The following SCN11A variants were observed in gnomAD, a reference collection of about 807,000 sequenced individuals.
The protein encoded by SCN11A is sodium channel protein type 11 subunit alpha.
SCN11A carries 122 observed loss-of-function variants against 162.2 expected under a neutral mutation model. The observed-to-expected ratio is 0.75, with a 90% CI of 0.65 to 0.87. The LOEUF (loss-of-function observed/expected upper bound fraction) is 0.87, where lower values mean the gene tolerates loss of function less well. Among genes scored for constraint, SCN11A ranks in the 40% least tolerant of loss-of-function variants. The pLI, the probability that SCN11A is intolerant of heterozygous loss-of-function variation, is 0.00. For missense variants in SCN11A, 2,015 were observed against 2,181.6 expected (o/e 0.92, Z 1.52); for synonymous variants, 758 against 751.5 (o/e 1.01, Z -0.14).
intron 3 of SCN11A, among the ~76,000 whole-genome samples, chr3:38,960,048 T>A (rs1022205515): frequency 6.6e-6 from 1 of 152,094 alleles, no homozygotes; most frequent in South Asian, 2.1e-4. Flanking sequence ...GCTGGCCATC[T>A]CCTGTCCCTG....
intron 27 of SCN11A, among the ~76,000 whole-genome samples, chr3:38,864,717 T>C (rs2065015462): frequency 6.6e-6 from 1 of 152,134 alleles, no homozygotes; most frequent in Non-Finnish European, 1.5e-5. Context: ...ACAAACAGTT[T>C]TTAGAGAAAT....
At position 38,885,379 on chromosome 3, in the gene SCN11A, T is replaced by A. The variant is rs747967286; in HGVS notation, c.2973A>T (p.Leu991=). The change falls in exon 21 of 30, where the codon CTA becomes CTT. Residue 991 remains leucine (L), a synonymous_variant. Transcript: ENST00000302328. Reference sequence around the variant, plus strand: ...GAAGATCAATGGTGCTACATTCTGATAGTATACTGGTAACATCAGACTTCT... The same window carrying A: ...GAAGATCAATGGTGCTACATTCTGAAAGTATACTGGTAACATCAGACTTCT... ...PRKKSDVTSI[L]SECSTIDLQD... The A allele has an allele frequency of 1.9e-6, 3 of 1,609,738 alleles. No individual in the cohort carries two copies. Among genetic ancestry groups the A allele is most frequent in the Non-Finnish European group, 2.6e-6 (3 of 1,176,094 alleles).
At chr3:38,999,793 C>T (rs917181178) in intron 2 of SCN11A, among the ~76,000 whole-genome samples, 23 of 152,158 alleles carry the variant, frequency 1.5e-4, no homozygotes, top group Non-Finnish European at 2.2e-4. Context: ...GTGAACATTT[C>T]GTGTTGGGAT....
Position 38,847,625 on chromosome 3 carries a change from C to T in SCN11A, c.4445G>A (p.Gly1482Glu). Residue 1482 changes from glycine (G) to glutamate (E), a missense_variant, in exon 30 of 30, where the codon GGA becomes GAA. Transcript: ENST00000302328. ...CAGAGCAAAGAGGAGAGTCCTGATT[C>T]CTCGTGCAGCCCGGACAAGCCTCAG... is the stretch of plus-strand genomic sequence containing the variant. ...RILRLVRAAR[G>E]IRTLLFALMM... 1 of 1,614,136 alleles carries T rather than the reference C, an allele frequency of 6.2e-7. No individual in the cohort carries two copies.
intron 8 of SCN11A, 51 bp from the exon 9 acceptor site, chr3:38,925,560 C>T (rs369183347): frequency 3.2e-5 from 40 of 1,247,612 alleles, no homozygotes; most frequent in Non-Finnish European, 4.6e-5. Context: ...CCTGCAGCTG[C>T]ACTGCACATC....
intron 23 of SCN11A, among the ~76,000 whole-genome samples, chr3:38,877,087 A>G (rs1294385857): frequency 4.0e-4 from 17 of 42,162 alleles, no homozygotes; most frequent in African/African-American, 1.2e-3. Flanking sequence ...TATATACTAT[A>G]TATATGGTAT....
intron 9 of SCN11A, 145 bp downstream of exon 9, chr3:38,925,270 A>C (rs1452286386): frequency 3.1e-6 from 2 of 635,826 alleles, no homozygotes; most frequent in African/African-American, 3.7e-5. Context: ...TTAGGTGCTC[A>C]ATAATTATCA....
At chr3:38,849,005 C>A (rs1046719914) in intron 29 of SCN11A, among the ~76,000 whole-genome samples, 1 of 152,134 alleles carries the variant, frequency 6.6e-6, no homozygotes, top group Non-Finnish European at 1.5e-5. Context: ...TTAATCCTAC[C>A]GCTGAGTATT....
At chr3:38,907,347 TATCTATATATACACACACACAC>T (rs1460789804) in intron 14 of SCN11A, among the ~76,000 whole-genome samples, 53 of 50,160 alleles carry the variant, frequency 1.1e-3, no homozygotes, top group African/African-American at 2.3e-3. Context: ...TGTGTGTATA[TATCTATATATACACACACACAC>T]ACACACACAC....
At chr3:38,944,400 C>T (rs187330704) in intron 7 of SCN11A, among the ~76,000 whole-genome samples, 136 of 151,504 alleles carry the variant, frequency 9.0e-4, no homozygotes, top group African/African-American at 3.1e-3. Context: ...TCACTGGGCT[C>T]ACTGCAAGCT....
intron 18 of SCN11A, among the ~76,000 whole-genome samples, chr3:38,895,922 G>A (rs895005649): frequency 7.2e-5 from 11 of 152,118 alleles, no homozygotes; most frequent in South Asian, 2.1e-4. Flanking sequence ...TAAAGCTATC[G>A]TGTGTAGAGA....
intron 28 of SCN11A, among the ~76,000 whole-genome samples, chr3:38,858,470 C>G (rs1329714261): frequency 6.6e-6 from 1 of 152,108 alleles, no homozygotes; most frequent in Admixed American, 6.6e-5. Flanking sequence ...GAAAACATCA[C>G]AGTCCTAAAT....
At chr3:38,928,278 A>G (rs1298523883) in intron 7 of SCN11A, among the ~76,000 whole-genome samples, 1 of 152,228 alleles carries the variant, frequency 6.6e-6, no homozygotes, top group African/African-American at 2.4e-5. Context: ...TGACAACAGA[A>G]AACCAAACAC....
chr3:38,854,965 GAT>G (rs1160665400), intron 28 of SCN11A, among the ~76,000 whole-genome samples: 1 of 152,232 alleles, frequency 6.6e-6, no homozygotes, highest in Non-Finnish European at 1.5e-5. Flanking sequence ...TAGATTCTGT[GAT>G]AATTTCGACT....
At chr3:38,963,441 ATATG>A (rs1322566974) in intron 2 of SCN11A, among the ~76,000 whole-genome samples, 1 of 101,208 alleles carries the variant, frequency 9.9e-6, no homozygotes, top group African/African-American at 5.4e-5. Flanking sequence ...ATATATATAT[ATATG>A]ATGGAGATAT....
intron 17 of SCN11A, among the ~76,000 whole-genome samples, chr3:38,897,559 C>CAAA (rs759728865): frequency 1.3e-5 from 2 of 151,664 alleles, no homozygotes; most frequent in Non-Finnish European, 2.9e-5. Context: ...TACTAAAATA[C>CAAA]AAAAAAATTA....
At chr3:38,987,464 T>C (rs556424695) in intron 2 of SCN11A, among the ~76,000 whole-genome samples, 1 of 152,280 alleles carries the variant, frequency 6.6e-6, no homozygotes, top group Admixed American at 6.5e-5. Flanking sequence ...TCTCTCTCAG[T>C]GCCTGAACCT....
At chr3:39,045,561 A>G (rs1352297107) in intron 1 of SCN11A, among the ~76,000 whole-genome samples, 2 of 152,214 alleles carry the variant, frequency 1.3e-5, no homozygotes, top group Non-Finnish European at 2.9e-5. Context: ...CATCTTAATC[A>G]ATGCAGAAAA....
intron 19 of SCN11A, among the ~76,000 whole-genome samples, chr3:38,887,243 T>C (rs949036764): frequency 6.6e-6 from 1 of 151,106 alleles, no homozygotes; most frequent in Non-Finnish European, 1.5e-5. Context: ...GGCTGTAGAG[T>C]GACTACAAGA....
Sources: gnomAD v4.1 joint callset for allele counts (sites outside exome capture counted in the v4.1 genomes callset) on GRCh38, gnomAD v4.1.1 for gene constraint, MANE v1.5 for transcripts, NCBI Gene and HGNC (gene_info 2026-07-23, HGNC 2026-07-21) for gene names.